MAST3: variants seen among roughly 807,000 people sequenced by gnomAD.
The protein encoded by MAST3 is microtubule-associated serine/threonine-protein kinase 3.
MAST3 carries 43 observed loss-of-function variants against 127.0 expected under a neutral mutation model. That is an observed-to-expected ratio of 0.34 (90% CI 0.27 to 0.44). The LOEUF (loss-of-function observed/expected upper bound fraction) is 0.44, where lower values mean the gene tolerates loss of function less well. Ranked by LOEUF, MAST3 falls within the 20% of genes least tolerant of loss-of-function variation. The probability of loss-of-function intolerance (pLI) is 1.00; values close to 1 mark genes in which losing one functional copy is unlikely to be tolerated. For missense variants in MAST3, 1,390 were observed against 1,919.1 expected, an observed-to-expected ratio of 0.72 and a Z score of 5.15; for synonymous variants, 785 against 809.2, an observed-to-expected ratio of 0.97 and a Z score of 0.51.
At chr19:18,116,961 T>C (rs911929030) in intron 3 of MAST3, among the ~76,000 whole-genome samples, 2 of 150,796 alleles carry the variant, frequency 1.3e-5, no homozygotes, top group African/African-American at 2.4e-5. Flanking sequence ...GGCCCCAGCA[T>C]TGGGCCTGGA....
intron 1 of MAST3, among the ~76,000 whole-genome samples, chr19:18,103,978 A>C (rs1250408937): frequency 2.0e-5 from 3 of 151,854 alleles, no homozygotes; most frequent in Non-Finnish European, 4.4e-5. Context: ...TTGGGAGGCC[A>C]AGGCAGGTGG....
Position 18,149,081 on chromosome 19 carries a change from TG to T in MAST3, c.3509-108del. On this transcript the variant is annotated intron_variant, in intron 27 of 27. Coordinates refer to ENST00000687212, the MANE Select transcript of MAST3 (RefSeq NM_001393504.1). This position sits in a 1 kb window ranked among gnomAD's most constrained non-coding sequence, Gnocchi z 5.9. ...AACAAAAACAACCAGGCATGATGGG[TG>T]GCCACATGGAAGGATGTGGGCTTTA... 3.4e-6 allele frequency: 4 copies of T among 1,177,496 alleles called. No homozygotes were observed. 72.9% of individuals were successfully genotyped at this position (1,177,496 alleles called of 1,614,324 possible). A position where few individuals can be genotyped will look rare whatever the true frequency, so the allele number is the denominator to read the frequency against.
chr19:18,144,147 A>G lies in MAST3; in HGVS notation c.2584+140A>G, dbSNP rs1308039456. 4 of 1,232,500 alleles carry G rather than the reference A, an allele frequency of 3.2e-6. No individual in the cohort carries two copies. Among genetic ancestry groups the G allele is most frequent in the African/African-American group, 1.5e-5 (1 of 65,678 alleles). 76.3% of individuals were successfully genotyped at this position (1,232,500 alleles called of 1,614,324 possible). On this transcript the variant is annotated intron_variant, in intron 22 of 27. Transcript: ENST00000687212. The surrounding 1 kb of genome is among the most constrained non-coding windows in gnomAD (Gnocchi z 4.0). ...AAGAGAGGAGAAGCCAGGGTCCCAG[A>G]GAGACCCCCAGCCCCCAAGGAACCC...
chr19:18,110,482 C>T lies in MAST3; in HGVS notation c.72-170C>T. On this transcript the variant is annotated intron_variant, in intron 2 of 27. Transcript: ENST00000687212. This position sits in a 1 kb window ranked among gnomAD's most constrained non-coding sequence, Gnocchi z 4.3. ...AAACGCACCGCCGCCTCCGGGGAGCCCTCCCGGGCCATCGGTCTGGCCCCG... is the reference window on the plus strand; with the variant it reads ...AAACGCACCGCCGCCTCCGGGGAGCTCTCCCGGGCCATCGGTCTGGCCCCG... The T allele has an allele frequency of 1.1e-6, 1 of 936,028 alleles. No individual in the cohort carries two copies. The highest frequency in any genetic ancestry group is 1.3e-6 in the Non-Finnish European group (1 of 784,446). The allele number at this position is 936,028 out of a possible 1,614,324, so 58.0% of individuals were successfully genotyped here.
intron 1 of MAST3, among the ~76,000 whole-genome samples, chr19:18,103,506 C>A (rs938103667): frequency 1.3e-5 from 2 of 152,178 alleles, no homozygotes; most frequent in Non-Finnish European, 2.9e-5. Flanking sequence ...CCATTGCCCT[C>A]CAGCCTGGGC....
intron 1 of MAST3, among the ~76,000 whole-genome samples, chr19:18,100,124 C>CT (rs1457164797): frequency 4.2e-5 from 4 of 94,886 alleles, no homozygotes; most frequent in African/African-American, 6.7e-5. Flanking sequence ...CTCTCTCTCT[C>CT]TCTCTTTTTT....
rs368449143 is a variant in MAST3 at position 18,130,677 on chromosome 19, A to G, written c.1407A>G (p.Leu469=). The part of the protein sequence containing the change: ...MFCSFETRRH[L]CMVMEYVEGG... ...GCTCCTTTGAGACCCGGCGCCACCTATGTATGGTCATGGAATACGTGGAAG... is the reference window on the plus strand; with the variant it reads ...GCTCCTTTGAGACCCGGCGCCACCTGTGTATGGTCATGGAATACGTGGAAG... Residue 469 remains leucine (L), a synonymous_variant, in exon 14 of 28, where the codon CTA becomes CTG. Coordinates refer to ENST00000687212, the MANE Select transcript of MAST3 (RefSeq NM_001393504.1). 6 of 1,613,796 alleles carry G rather than the reference A, an allele frequency of 3.7e-6. No individual in the cohort carries two copies. Among genetic ancestry groups the G allele is most frequent in the Non-Finnish European group, 5.1e-6 (6 of 1,179,940 alleles).
Position 18,149,057 on chromosome 19 carries a change from AC to A in MAST3, c.3509-133del. 1 of 990,934 alleles carries A rather than the reference AC, an allele frequency of 1.0e-6. No individual in the cohort carries two copies. Among genetic ancestry groups the A allele is most frequent in the Non-Finnish European group, 1.4e-6 (1 of 714,360 alleles). 61.4% of individuals were successfully genotyped at this position (990,934 alleles called of 1,614,324 possible). A position where few individuals can be genotyped will look rare whatever the true frequency, so the allele number is the denominator to read the frequency against. On this transcript the variant is annotated intron_variant, in intron 27 of 27. Transcript: ENST00000687212. This position sits in a 1 kb window ranked among gnomAD's most constrained non-coding sequence, Gnocchi z 5.9. ...AACAGAGCAAGACCCTGTCTCAAAA[AC>A]AAAAACAACCAGGCATGATGGGTGG...
chr19:18,120,123 GT>G (rs536144953), intron 3 of MAST3, among the ~76,000 whole-genome samples: 1 of 152,348 alleles, frequency 6.6e-6, no homozygotes, highest in African/African-American at 2.4e-5. Context: ...CAGGGATCTG[GT>G]GGCCAGAAGG....
chr19:18,111,530 C>CTTTTTTTTTTTTTTTT lies in MAST3; in HGVS notation c.161+796_161+811dup, dbSNP rs576984210. 6.6e-4 allele frequency among the ~76,000 whole-genome samples: 68 copies of CTTTTTTTTTTTTTTTT among 103,254 alleles called. 7 individuals are homozygous for CTTTTTTTTTTTTTTTT. The highest frequency in any genetic ancestry group is 2.9e-3 in the African/African-American group (63 of 21,620). The allele number at this position is 103,254 out of a possible 152,430, so 67.7% of individuals were successfully genotyped here. On this transcript the variant is annotated intron_variant, in intron 3 of 27. Coordinates refer to ENST00000687212, the MANE Select transcript of MAST3 (RefSeq NM_001393504.1). ...TGAGCTGCTTAACTCTTTCCACAGA[C>CTTTTTTTTTTTTTTTT]TTTTTTTTTTTTTTTTTTTTTTGAG...
intron 1 of MAST3, among the ~76,000 whole-genome samples, chr19:18,101,879 ACT>A (rs1322238085): frequency 9.4e-6 from 1 of 106,584 alleles, no homozygotes; most frequent in Non-Finnish European, 1.9e-5. Context: ...ATGGCCTCAA[ACT>A]CTTTTTTTTT....
rs779108121 is a variant in MAST3 at position 18,110,433 on chromosome 19, C to A, written c.72-219C>A. ...GACAGGATGACAACTACCCTCCCCC[C>A]ACGTCTCTGTTCGTGTCGCCCAGAA... On this transcript the variant is annotated intron_variant, in intron 2 of 27. Transcript: ENST00000687212. The surrounding 1 kb of genome is among the most constrained non-coding windows in gnomAD (Gnocchi z 4.3). The A allele has an allele frequency of 2.4e-5, 24 of 982,858 alleles. No individual in the cohort carries two copies. The South Asian group carries it at 6.6e-4, about 27-fold the overall frequency. The allele number at this position is 982,858 out of a possible 1,614,324, so 60.9% of individuals were successfully genotyped here.
chr19:18,104,073 G>A, intron 1 of MAST3, among the ~76,000 whole-genome samples: 1 of 151,358 alleles, frequency 6.6e-6, no homozygotes, highest in East Asian at 1.9e-4. Context: ...TTAGCCGGGT[G>A]TGGTGGCACA....
At chr19:18,132,146 T>TC in intron 15 of MAST3, 99 bp downstream of exon 15, 1 of 1,499,018 alleles carries the variant, frequency 6.7e-7, no homozygotes, top group Admixed American at 2.1e-5. Flanking sequence ...CTGAGGTGCA[T>TC]CCCGGGACCC....
At chr19:18,128,818 TC>T (rs2147328749) in intron 12 of MAST3, 47 bp from the exon 13 acceptor site, 1 of 1,484,736 alleles carries the variant, frequency 6.7e-7, no homozygotes, top group Non-Finnish European at 9.4e-7. Context: ...GGAGAAGCCT[TC>T]CCAGCTCTGC....
intron 11 of MAST3, among the ~76,000 whole-genome samples, chr19:18,126,866 C>T (rs12974954): frequency 0.51 from 76,455 of 151,326 alleles, 19,575 homozygotes; most frequent in East Asian, 0.66. Flanking sequence ...CTGCAAGCTC[C>T]GCCTCCTGGG....
chr19:18,106,179 C>T (rs890352881), intron 1 of MAST3, among the ~76,000 whole-genome samples: 6 of 152,120 alleles, frequency 3.9e-5, no homozygotes, highest in African/African-American at 1.4e-4. Context: ...CCTCCAACTC[C>T]TGGGGTCAAG....
In MAST3 at chr19:18,135,757, G is replaced by C. The variant is rs770913173; in HGVS notation, c.1888G>C (p.Glu630Gln). ...QVVSDEIMWP[E>Q]GDEALPADAQ... ...CATTTTAGATGAGATCATGTGGCCA[G>C]AGGGAGATGAGGCCCTTCCAGCAGA... The change falls in exon 18 of 28, where the codon GAG becomes CAG. Residue 630 changes from glutamate to glutamine, a missense_variant. By Grantham distance (29) the Glu-to-Gln change is conservative. Around this residue, in one of 5 missense-constraint regions of MAST3, gnomAD observed 191 missense variants for 409.0 expected, o/e 0.47. Transcript: ENST00000687212. The C allele has an allele frequency of 6.2e-7, 1 of 1,611,946 alleles. No homozygotes were observed. Among genetic ancestry groups the C allele is most frequent in the Non-Finnish European group, 8.5e-7 (1 of 1,179,034 alleles).
intron 1 of MAST3, among the ~76,000 whole-genome samples, chr19:18,106,084 A>C (rs2038048090): frequency 6.6e-6 from 1 of 151,906 alleles, no homozygotes; most frequent in South Asian, 2.1e-4. Flanking sequence ...ATTTTAAATA[A>C]AATTATTATT....
Sources: gnomAD v4.1 joint callset for allele counts (sites outside exome capture counted in the v4.1 genomes callset) on GRCh38, gnomAD v4.1.1 for gene constraint, gnomAD v4.1.1 regional missense constraint, Gnocchi (gnomAD v3.1) non-coding constraint, MANE v1.5 for transcripts, NCBI Gene and HGNC (gene_info 2026-07-23, HGNC 2026-07-21) for gene names.